The following HOMER1 variants were observed in gnomAD, a reference collection of about 807,000 sequenced individuals.
HOMER1 encodes homer protein homolog 1.
In HOMER1, 3 loss-of-function variants were observed where a neutral mutation model predicts 48.9. The observed-to-expected ratio is 0.06, with a 90% CI of 0.03 to 0.16. The LOEUF (loss-of-function observed/expected upper bound fraction) is 0.16. Among genes scored for constraint, HOMER1 ranks in the 10% least tolerant of loss-of-function variants. The pLI, the probability that HOMER1 is intolerant of heterozygous loss-of-function variation, is 1.00. For missense variants in HOMER1, 247 were observed against 411.4 expected, an observed-to-expected ratio of 0.60 and a Z score of 3.46; for synonymous variants, 134 against 146.4, an observed-to-expected ratio of 0.92 and a Z score of 0.61.
intron 4 of HOMER1, among the ~76,000 whole-genome samples, chr5:79,446,184 G>A (rs894685965): frequency 4.6e-5 from 7 of 152,106 alleles, no homozygotes; most frequent in Non-Finnish European, 8.8e-5. Context: ...ATCTGATCCA[G>A]GAGACAATAT....
At chr5:79,434,275 T>C (rs1279886783) in intron 5 of HOMER1, among the ~76,000 whole-genome samples, 4 of 152,078 alleles carry the variant, frequency 2.6e-5, no homozygotes, top group African/African-American at 9.6e-5. Context: ...ACTGGAATAC[T>C]ATAAAATCAA....
intron 5 of HOMER1, 42 bp from the exon 6 acceptor site, chr5:79,402,097 T>C (rs771688709): frequency 6.6e-7 from 1 of 1,521,748 alleles, no homozygotes; most frequent in Non-Finnish European, 9.0e-7. Context: ...TTACACCAAC[T>C]ACTGTTACCT....
At chr5:79,487,521 A>G (rs1752145183) in intron 1 of HOMER1, among the ~76,000 whole-genome samples, 1 of 152,210 alleles carries the variant, frequency 6.6e-6, no homozygotes, top group South Asian at 2.1e-4. Context: ...CACCACAAAC[A>G]GAACAGAGGA....
At chr5:79,380,295 C>A (rs1748933541) in intron 8 of HOMER1, among the ~76,000 whole-genome samples, 1 of 152,162 alleles carries the variant, frequency 6.6e-6, no homozygotes, top group South Asian at 2.1e-4. Flanking sequence ...CGCTGGGTGC[C>A]ACACAACCCG....
intron 5 of HOMER1, among the ~76,000 whole-genome samples, chr5:79,424,844 CAT>C (rs754336656): frequency 6.6e-6 from 1 of 151,996 alleles, no homozygotes; most frequent in Non-Finnish European, 1.5e-5. Flanking sequence ...AATCTTTCTC[CAT>C]CAAAGGCTTT....
At position 79,407,034 on chromosome 5, in the gene HOMER1, A is replaced by C. The variant is rs138386121; in HGVS notation, c.528-4979T>G. ...CTTCTTTGAGGTGTGCACACACACA[A>C]AAAAAGACCAAAAGATGAGTGTCGA... is the stretch of plus-strand genomic sequence containing the variant. On this transcript the variant is annotated intron_variant, in intron 5 of 8. Transcript: ENST00000334082. 6.2e-3 allele frequency among the ~76,000 whole-genome samples: 944 copies of C among 152,342 alleles called. 7 individuals are homozygous for C. Among genetic ancestry groups the C allele is most frequent in the African/African-American group, 0.022 (894 of 41,554 alleles).
chr5:79,389,610 C>T (rs1405120172), intron 8 of HOMER1, among the ~76,000 whole-genome samples: 3 of 152,142 alleles, frequency 2.0e-5, no homozygotes, highest in African/African-American at 4.8e-5. Context: ...GTGAGGAGGC[C>T]GCATTCATTC....
chr5:79,477,408 G>C (rs947485172), intron 1 of HOMER1, among the ~76,000 whole-genome samples: 1 of 152,088 alleles, frequency 6.6e-6, no homozygotes, highest in Non-Finnish European at 1.5e-5. Flanking sequence ...TCTTTCCATG[G>C]TAATTTGGCC....
chr5:79,491,075 C>CAAAAAAAAA lies in HOMER1; in HGVS notation c.5+21686_5+21694dup, dbSNP rs10527802. On this transcript the variant is annotated intron_variant, in intron 1 of 8. Transcript: ENST00000334082. ...TTTTTGGCCTTCAGTAGTACCAAAG[C>CAAAAAAAAA]AAAAAAAAAAAAAAAAAAAAAAAAA... Among the ~76,000 whole-genome samples, 43 of 37,252 alleles carry CAAAAAAAAA rather than the reference C, an allele frequency of 1.2e-3. 10 individuals carry two copies. The highest frequency in any genetic ancestry group is 2.1e-3 in the Non-Finnish European group (27 of 12,692). The allele number at this position is 37,252 out of a possible 152,430, so 24.4% of individuals were successfully genotyped here.
chr5:79,427,638 CCTTT>C (rs779990191), intron 5 of HOMER1, among the ~76,000 whole-genome samples: 4 of 151,658 alleles, frequency 2.6e-5, no homozygotes, highest in African/African-American at 4.8e-5. Flanking sequence ...TTCCTTCCTT[CCTTT>C]CCTTCCTACC....
chr5:79,511,729 C>T (rs907040836), intron 1 of HOMER1, among the ~76,000 whole-genome samples: 1 of 152,192 alleles, frequency 6.6e-6, no homozygotes, highest in African/African-American at 2.4e-5. Flanking sequence ...TGTTAAACTT[C>T]AAATTCTAAC....
intron 8 of HOMER1, among the ~76,000 whole-genome samples, chr5:79,381,887 A>G (rs1032489929): frequency 6.9e-6 from 1 of 145,638 alleles, no homozygotes; most frequent in Non-Finnish European, 1.5e-5. Flanking sequence ...TCCATCTCCA[A>G]AAAAAAAAAA....
At chr5:79,435,183 T>A (rs1750540827) in intron 5 of HOMER1, among the ~76,000 whole-genome samples, 1 of 150,836 alleles carries the variant, frequency 6.6e-6, no homozygotes, top group Non-Finnish European at 1.5e-5. Context: ...AGTAACTTTT[T>A]AAGAAAGACT....
intron 4 of HOMER1, among the ~76,000 whole-genome samples, chr5:79,444,606 T>G (rs1750826328): frequency 6.6e-6 from 1 of 152,198 alleles, no homozygotes; most frequent in Admixed American, 6.5e-5. Context: ...AACAAGGTGT[T>G]AGCAGCAACT....
chr5:79,388,933 C>A (rs1181145174), intron 8 of HOMER1, among the ~76,000 whole-genome samples: 1 of 151,926 alleles, frequency 6.6e-6, no homozygotes, highest in African/African-American at 2.4e-5. Context: ...TGCAAGAAAA[C>A]TTCCTGGAAA....
At chr5:79,496,045 T>C (rs1321133513) in intron 1 of HOMER1, among the ~76,000 whole-genome samples, 9 of 152,064 alleles carry the variant, frequency 5.9e-5, no homozygotes, top group African/African-American at 2.2e-4. Context: ...TTTAATACAG[T>C]TTTCAAAATG....
Position 79,426,354 on chromosome 5 carries a change from C to T in HOMER1, c.527+12656G>A, listed in dbSNP as rs1049874231. ...GCAGCACTATTCATAACAGTCAAGA[C>T]ATAGAATCAACCTAAGTGTCCACCA... On this transcript the variant is annotated intron_variant, in intron 5 of 8. Transcript: ENST00000334082. Among the ~76,000 whole-genome samples the T allele has an allele frequency of 2.6e-5, 4 of 152,030 alleles. No homozygotes were observed. The East Asian group carries it at 7.7e-4, about 29-fold the overall frequency.
intron 1 of HOMER1, among the ~76,000 whole-genome samples, chr5:79,465,011 T>C (rs146950224): frequency 2.4e-3 from 361 of 152,160 alleles, no homozygotes; most frequent in African/African-American, 7.8e-3. Context: ...ATAATAGAAG[T>C]ATCGAGACTT....
chr5:79,392,418 G>A (rs1019485029), intron 8 of HOMER1, among the ~76,000 whole-genome samples: 18 of 152,034 alleles, frequency 1.2e-4, no homozygotes, highest in African/African-American at 3.4e-4. Context: ...TTGTGTCTTC[G>A]TTTTTTAAAA....
Sources: gnomAD v4.1 joint callset for allele counts (sites outside exome capture counted in the v4.1 genomes callset) on GRCh38, gnomAD v4.1.1 for gene constraint, MANE v1.5 for transcripts, NCBI Gene and HGNC (gene_info 2026-07-23, HGNC 2026-07-21) for gene names.